Variants in WDR75 observed in about 807,000 individuals in gnomAD.
WDR75 encodes WD repeat domain 75, also known as WD repeat-containing protein 75.
A neutral mutation model predicts 106.1 loss-of-function variants in WDR75; 52 were observed. The observed-to-expected ratio is 0.49, with a 90% confidence interval of 0.39 to 0.62. The LOEUF (loss-of-function observed/expected upper bound fraction) is 0.62. WDR75 is among the 20% of genes least tolerant of loss of function. The pLI is 0.00. For missense variants in WDR75, 905 were observed against 970.3 expected (o/e 0.93, Z 0.89); for synonymous variants, 333 against 335.5 (o/e 0.99, Z 0.08).
chr2:189,464,069 T>G, intron 11 of WDR75, 108 bp downstream of exon 11: 1 of 870,786 alleles, frequency 1.1e-6, no homozygotes. Flanking sequence ...TGCATATGTT[T>G]ACTTGAACAT....
chr2:189,472,543 T>C (rs1687137950), intron 18 of WDR75, among the ~76,000 whole-genome samples: 1 of 152,116 alleles, frequency 6.6e-6, no homozygotes, highest in Non-Finnish European at 1.5e-5. Context: ...AATCTTTTTT[T>C]CTTTTTCATG....
chr2:189,464,235 CTT>C (rs1446740949), intron 11 of WDR75: 2 of 363,562 alleles, frequency 5.5e-6, no homozygotes, highest in African/African-American at 4.2e-5. Flanking sequence ...TACATCTGTG[CTT>C]TTGAGTCACA....
At chr2:189,456,209 A>ACATAC (rs1686731977) in intron 5 of WDR75, among the ~76,000 whole-genome samples, 2 of 152,210 alleles carry the variant, frequency 1.3e-5, no homozygotes, top group South Asian at 4.1e-4. Context: ...AACCGTAGCA[A>ACATAC]CATACCACTT....
At chr2:189,467,137 C>G (rs2105570448) in intron 13 of WDR75, among the ~76,000 whole-genome samples, 1 of 152,080 alleles carries the variant, frequency 6.6e-6, no homozygotes, top group East Asian at 1.9e-4. Flanking sequence ...AGTACCGAAC[C>G]CTGTATATAC....
intron 2 of WDR75, chr2:189,449,941 A>G (rs1025809627): frequency 2.0e-4 from 197 of 984,790 alleles, no homozygotes; most frequent in Non-Finnish European, 2.2e-4. Context: ...GTATTTTCCT[A>G]TAACAACGAC....
chr2:189,472,399 T>G (rs1687135493), intron 18 of WDR75, among the ~76,000 whole-genome samples: 1 of 152,204 alleles, frequency 6.6e-6, no homozygotes, highest in Non-Finnish European at 1.5e-5. Context: ...GAGGAGCTAA[T>G]TACTTCTTTC....
rs147255650 is a variant in WDR75 at position 189,450,416 on chromosome 2, C to T, written c.217-487C>T. On this transcript the variant is annotated intron_variant, in intron 2 of 20. Transcript: ENST00000314761. ...CTCTGTCTCCCAGGCTGGAGTACAG[C>T]GATGTGATTGATCTCAGCTCACTGC... The T allele has an allele frequency of 5.4e-4, 502 of 935,772 alleles. 1 individual carries two copies. In the African/African-American group the frequency reaches 7.9e-3, roughly 15 times the overall value. The allele number at this position is 935,772 out of a possible 1,614,324, so 58.0% of individuals were successfully genotyped here. A position where few individuals can be genotyped will look rare whatever the true frequency, so the allele number is the denominator to read the frequency against.
intron 18 of WDR75, 33 bp from the exon 19 acceptor site, chr2:189,474,153 G>A (rs1340519251): frequency 7.6e-6 from 12 of 1,583,370 alleles, no homozygotes; most frequent in Non-Finnish European, 1.0e-5. Context: ...CCTTTTTTCT[G>A]AAATAATTTC....
In WDR75 at chr2:189,467,029, C is replaced by A. The variant is rs530518804; in HGVS notation, c.1448-439C>A. The stretch of plus-strand genomic sequence containing the variant: ...TGTGTGCATCTTTGTTTCTTAATCC[C>A]TACTGCTTATAATGTCCCTCATTTA... On this transcript the variant is annotated intron_variant, in intron 13 of 20. Coordinates refer to ENST00000314761, the MANE Select transcript of WDR75 (RefSeq NM_032168.3). Among the ~76,000 whole-genome samples the A allele has an allele frequency of 2.0e-5, 3 of 151,986 alleles. No individual in the cohort carries two copies. The South Asian group carries it at 6.2e-4, about 32-fold the overall frequency.
rs1178204464 is a variant in WDR75, at chr2:189,451,790, C to T, written c.283-15C>T. 1 of 1,604,790 alleles carries T rather than the reference C, an allele frequency of 6.2e-7. No homozygotes were observed. The highest frequency in any genetic ancestry group is 8.5e-7 in the Non-Finnish European group (1 of 1,171,928). ...GGAACAGACAGTAAACACTATGGTGCTCTTTATCTTTCAGACTTTCATAGT... is the reference window on the plus strand; with the variant it reads ...GGAACAGACAGTAAACACTATGGTGTTCTTTATCTTTCAGACTTTCATAGT... On this transcript the variant is annotated splice_polypyrimidine_tract_variant and intron_variant, in intron 3 of 20. Transcript: ENST00000314761.
At position 189,457,344 on chromosome 2, in the gene WDR75, TTGTC is replaced by T; in HGVS notation, c.536_539del (p.Ser179PhefsTer30). ...TGTTGCTGCAGTACGGGAATTTTAC[TTGTC>T]TGTTTATTTTTTCAAAAAGAAAACA... On this transcript the variant is annotated frameshift_variant, in exon 6 of 21. Transcript: ENST00000314761. LOFTEE classifies it high-confidence loss of function. 1 of 1,605,472 alleles carries T rather than the reference TTGTC, an allele frequency of 6.2e-7. No homozygotes were observed. The highest frequency in any genetic ancestry group is 1.3e-5 in the African/African-American group (1 of 74,760).
At chr2:189,448,914 G>A (rs986009784) in intron 2 of WDR75, 2 of 469,814 alleles carry the variant, frequency 4.3e-6, no homozygotes, top group African/African-American at 4.0e-5. Flanking sequence ...AAAAATGTTG[G>A]CCAGGAGGTA....
At chr2:189,470,055 T>A in intron 16 of WDR75, 21 bp from the exon 17 acceptor site, 1 of 1,605,248 alleles carries the variant, frequency 6.2e-7, no homozygotes. Flanking sequence ...ATGTTATTGT[T>A]TCTTTGTTTT....
At chr2:189,456,875 A>G (rs1686747561) in intron 5 of WDR75, among the ~76,000 whole-genome samples, 1 of 152,192 alleles carries the variant, frequency 6.6e-6, no homozygotes, top group South Asian at 2.1e-4. Context: ...GCCAAAGTGG[A>G]ATATATCATA....
chr2:189,454,102 AAAAT>A (rs1397792161), intron 4 of WDR75, among the ~76,000 whole-genome samples: 1 of 152,212 alleles, frequency 6.6e-6, no homozygotes, highest in Non-Finnish European at 1.5e-5. Flanking sequence ...GGTCTAGAGA[AAAAT>A]AAAGCAGGGG....
In WDR75 at chr2:189,462,589, A is replaced by G. The variant is rs1034162258; in HGVS notation, c.884A>G (p.His295Arg). 1.9e-6 allele frequency: 3 copies of G among 1,613,926 alleles called. No homozygotes were observed. The highest frequency in any genetic ancestry group is 1.7e-5 in the Admixed American group (1 of 59,982). The change falls in exon 9 of 21, where the codon CAT becomes CGT. Residue 295 changes from histidine to arginine, a missense_variant. By Grantham distance (29) the His-to-Arg change is conservative (BLOSUM62 0). Transcript: ENST00000314761. ...FLPRLGATIE[H>R]ISVSPAGDLF... ...CCGCGTTTAGGAGCTACTATTGAAC[A>G]TATCTCAGTCTCGCCTGCAGGAGAT...
intron 18 of WDR75, 56 bp downstream of exon 18, chr2:189,470,934 C>G: frequency 1.5e-6 from 2 of 1,359,286 alleles, no homozygotes; most frequent in East Asian, 2.5e-5. Context: ...GATACAATTA[C>G]CTTTTAGAAG....
rs897448271 is a variant in WDR75 at position 189,462,139 on chromosome 2, CT to C, written c.779-337del. Among the ~76,000 whole-genome samples, 7 of 151,454 alleles carry C rather than the reference CT, an allele frequency of 4.6e-5. No individual in the cohort carries two copies. The East Asian group carries it at 9.7e-4, about 21-fold the overall frequency. On this transcript the variant is annotated intron_variant, in intron 8 of 20. Transcript: ENST00000314761. ...GAATTTTCATCTGTCGTGAAATCGG[CT>C]TTTTTTTATATATATATAATATTTT...
intron 15 of WDR75, 124 bp from the exon 16 acceptor site, chr2:189,469,220 T>G: frequency 1.3e-6 from 1 of 740,956 alleles, no homozygotes; most frequent in Non-Finnish European, 2.4e-6. Flanking sequence ...ACAAATCATT[T>G]CAGTGTGTCT....
Sources: gnomAD v4.1 joint callset for allele counts (sites outside exome capture counted in the v4.1 genomes callset) on GRCh38, gnomAD v4.1.1 for gene constraint, MANE v1.5 for transcripts, NCBI Gene and HGNC (gene_info 2026-07-23, HGNC 2026-07-21) for gene names.